Variants in MYH9 observed in about 807,000 individuals in gnomAD.
The protein encoded by MYH9 is myosin-9.
A neutral mutation model predicts 241.9 loss-of-function variants in MYH9; 29 were observed. That is an observed-to-expected ratio of 0.12 (90% CI 0.09 to 0.16). The LOEUF (loss-of-function observed/expected upper bound fraction) is 0.16, where lower values mean the gene tolerates loss of function less well. MYH9 is among the 10% of genes least tolerant of loss of function. The pLI is 1.00. For missense variants in MYH9, 1,803 were observed against 2,595.5 expected (o/e 0.69, Z 6.63); for synonymous variants, 1,047 against 1,062.6 (o/e 0.99, Z 0.29).
chr22:36,344,555 C>T (rs951055019), intron 2 of MYH9, among the ~76,000 whole-genome samples: 2 of 152,218 alleles, frequency 1.3e-5, no homozygotes, highest in Non-Finnish European at 1.5e-5. Flanking sequence ...ACTACAGAGG[C>T]CATCAATGGG....
In MYH9 at chr22:36,293,511, C is replaced by T. The variant is rs1287175682; in HGVS notation, c.3943-30G>A. ...TCGCGGGTTGAGAGGGGTGCGGGTG[C>T]TTAGGAGGGTGGTGTCCAAAACCCA... On this transcript the variant is annotated intron_variant, in intron 29 of 40. Transcript: ENST00000216181. This position sits in a 1 kb window ranked among gnomAD's most constrained non-coding sequence, Gnocchi z 5.1. 5 of 1,610,536 alleles carry T rather than the reference C, an allele frequency of 3.1e-6. No individual in the cohort carries two copies. In the South Asian group the frequency reaches 5.5e-5, roughly 18 times the overall value.
At chr22:36,301,165 G>A (rs1381929856) in intron 21 of MYH9, 108 bp from the exon 22 acceptor site, 1 of 1,100,298 alleles carries the variant, frequency 9.1e-7, no homozygotes, top group African/African-American at 1.5e-5. Context: ...GGAACATGCA[G>A]ACAAAAGTAG....
In MYH9 at chr22:36,305,916, G is replaced by A. The variant is rs781250514; in HGVS notation, c.2159+14C>T. The A allele has an allele frequency of 2.6e-5, 42 of 1,612,570 alleles. No individual in the cohort carries two copies. The highest frequency in any genetic ancestry group is 1.6e-4 in the Middle Eastern group (1 of 6,062). On this transcript the variant is annotated intron_variant, in intron 17 of 40. Transcript: ENST00000216181. This position sits in a 1 kb window ranked among gnomAD's most constrained non-coding sequence, Gnocchi z 4.7. ...GCAGGGCCCAGGAGAAGCGGGCTCC[G>A]GGCCCTGGCTCACCTCTGCCGAAAC...
intron 3 of MYH9, among the ~76,000 whole-genome samples, chr22:36,338,975 T>C (rs1458788811): frequency 6.6e-6 from 1 of 152,246 alleles, no homozygotes; most frequent in East Asian, 1.9e-4. Context: ...ATGAAGGCCA[T>C]TCGGTATGGC....
rs149559551 is a variant in MYH9, at chr22:36,295,497, G to A, written c.3485+8C>T. ...CCCCATCCCGAGGGACTTGGTCCCA[G>A]GGCACACCTGAGCTCCTGCTGGGCA... On this transcript the variant is annotated splice_region_variant and intron_variant, in intron 26 of 40. Transcript: ENST00000216181. The surrounding 1 kb of genome is among the most constrained non-coding windows in gnomAD (Gnocchi z 4.1). 3.5e-4 allele frequency: 563 copies of A among 1,611,642 alleles called. 1 individual carries two copies. In the African/African-American group the frequency reaches 6.4e-3, roughly 18 times the overall value.
intron 1 of MYH9, among the ~76,000 whole-genome samples, chr22:36,368,861 GAT>G (rs1243764808): frequency 1.5e-5 from 2 of 136,386 alleles, no homozygotes; most frequent in Non-Finnish European, 3.1e-5. Flanking sequence ...CCCCGTCCGC[GAT>G]AGAGCATCAC....
At chr22:36,347,471 G>A (rs5756160) in intron 2 of MYH9, among the ~76,000 whole-genome samples, 89,431 of 151,324 alleles carry the variant, frequency 0.59, 27,263 homozygotes, top group African/African-American at 0.66. Context: ...AGTGGCTCAC[G>A]CCTGTAATCC....
intron 5 of MYH9, 99 bp from the exon 6 acceptor site, chr22:36,322,620 T>C: frequency 1.7e-6 from 2 of 1,171,312 alleles, no homozygotes; most frequent in Admixed American, 1.8e-5. Context: ...CGTGTCAGCA[T>C]GTCCAACGTG....
chr22:36,316,347 T>G (rs1404805662), intron 12 of MYH9, among the ~76,000 whole-genome samples, 170 bp downstream of exon 12: 4 of 116,872 alleles, frequency 3.4e-5, no homozygotes, highest in Non-Finnish European at 8.3e-5. Flanking sequence ...ACCCTATCTT[T>G]TAAAAAAGAA....
Position 36,285,174 on chromosome 22 carries a change from G to T in MYH9, c.5430C>A (p.Thr1810=), listed in dbSNP as rs755623688. The T allele has an allele frequency of 6.2e-7, 1 of 1,614,134 alleles. No individual in the cohort carries two copies. ...GCTGTGCAATCTTGGCCTCGAGGGCGGTGATGGAGGCCTTGTACTTGGACT... is the reference window on the plus strand; with the variant it reads ...GCTGTGCAATCTTGGCCTCGAGGGCTGTGATGGAGGCCTTGTACTTGGACT... ...TVKSKYKASI[T]ALEAKIAQLE... Residue 1810 remains threonine, a synonymous_variant, in exon 38 of 41, where the codon ACC becomes ACA. Coordinates refer to ENST00000216181, the MANE Select transcript of MYH9 (RefSeq NM_002473.6). This position sits in a 1 kb window ranked among gnomAD's most constrained non-coding sequence, Gnocchi z 7.0.
intron 1 of MYH9, among the ~76,000 whole-genome samples, chr22:36,369,481 C>T (rs1212219301): frequency 2.0e-5 from 3 of 152,176 alleles, no homozygotes; most frequent in Admixed American, 6.5e-5. Flanking sequence ...TAGGAAGGTA[C>T]GAGGGGGCGG....
At position 36,320,257 on chromosome 22, in the gene MYH9, G is replaced by A. The variant is rs1356252565; in HGVS notation, c.975C>T (p.Ala325=). The change falls in exon 9 of 41, where the codon GCC becomes GCT. Residue 325 remains alanine (A), a synonymous_variant. Transcript: ENST00000216181. This position sits in a 1 kb window ranked among gnomAD's most constrained non-coding sequence, Gnocchi z 4.8. Reference sequence around the variant, plus strand: ...CTTCTGGGATGCCCATAATCCTCATGGCCTCCATGGTCTCCTGGAACATGT... The same window carrying A: ...CTTCTGGGATGCCCATAATCCTCATAGCCTCCATGGTCTCCTGGAACATGT... ...DKDMFQETME[A]MRIMGIPEEE... is the part of the protein sequence containing the mutation. 1.2e-6 allele frequency: 2 copies of A among 1,614,226 alleles called. No homozygotes were observed. The highest frequency in any genetic ancestry group is 2.2e-5 in the South Asian group (2 of 91,090).
rs2017404350 is a variant in MYH9, at chr22:36,330,458, T to C, written c.491-2970A>G. Among the ~76,000 whole-genome samples, 3 of 152,216 alleles carry C rather than the reference T, an allele frequency of 2.0e-5. No individual in the cohort carries two copies. The highest frequency in any genetic ancestry group is 7.2e-5 in the African/African-American group (3 of 41,454). ...TCCAATAACCTTACAAGGTATTGTA[T>C]TGTAATGTACAAAGCAGGTATTATC... On this transcript the variant is annotated intron_variant, in intron 3 of 40. Transcript: ENST00000216181. The surrounding 1 kb of genome is among the most constrained non-coding windows in gnomAD (Gnocchi z 4.5).
chr22:36,305,223 A>G lies in MYH9; in HGVS notation c.2160-121T>C. On this transcript the variant is annotated intron_variant, in intron 17 of 40. Coordinates refer to ENST00000216181, the MANE Select transcript of MYH9 (RefSeq NM_002473.6). This position sits in a 1 kb window ranked among gnomAD's most constrained non-coding sequence, Gnocchi z 4.7. Reference sequence around the variant, plus strand: ...AACAGACACAGAATTCTTTACACAAACTCTCCTAAGGAAAGAAGACACAGG... The same window carrying G: ...AACAGACACAGAATTCTTTACACAAGCTCTCCTAAGGAAAGAAGACACAGG... 1.1e-6 allele frequency: 1 copy of G among 894,982 alleles called. No individual in the cohort carries two copies. The highest frequency in any genetic ancestry group is 1.8e-6 in the Non-Finnish European group (1 of 550,782). 55.4% of individuals were successfully genotyped at this position (894,982 alleles called of 1,614,324 possible).
chr22:36,322,314 C>G, intron 6 of MYH9, 115 bp downstream of exon 6: 1 of 1,163,448 alleles, frequency 8.6e-7, no homozygotes, highest in Non-Finnish European at 1.3e-6. Flanking sequence ...CAGATAGCAC[C>G]GAGTCTGAAC....
At chr22:36,380,241 C>T (rs1030386653) in intron 1 of MYH9, among the ~76,000 whole-genome samples, 20 of 152,332 alleles carry the variant, frequency 1.3e-4, no homozygotes, top group African/African-American at 4.1e-4. Flanking sequence ...TCCCAGGGCC[C>T]ACACCATCCA....
Position 36,285,759 on chromosome 22 carries a change from G to T in MYH9, c.5173C>A (p.Arg1725=). 6.2e-7 allele frequency: 1 copy of T among 1,610,150 alleles called. No individual in the cohort carries two copies. The change falls in exon 37 of 41, where the codon CGG becomes AGG. Residue 1725 remains arginine, a synonymous_variant. Transcript: ENST00000216181. This position sits in a 1 kb window ranked among gnomAD's most constrained non-coding sequence, Gnocchi z 7.0. ...GKGALALEEK[R]RLEARIAQLE... ...TGGGCGATGCGGGCCTCCAGACGCC[G>T]CTTCTCCTCTAACGCCAGGGCTCTG... is the stretch of plus-strand genomic sequence containing the variant.
chr22:36,303,332 C>A (rs1569535288), intron 19 of MYH9, among the ~76,000 whole-genome samples: 1 of 151,942 alleles, frequency 6.6e-6, no homozygotes, highest in South Asian at 2.1e-4. Flanking sequence ...ATGGCCTGCT[C>A]CCCTGGAATC....
rs1203787176 is a variant in MYH9 at position 36,285,063 on chromosome 22, A to AG, written c.5483+57dup. 4 of 1,537,914 alleles carry AG rather than the reference A, an allele frequency of 2.6e-6. No homozygotes were observed. The highest frequency in any genetic ancestry group is 2.7e-5 in the African/African-American group (2 of 73,532). On this transcript the variant is annotated intron_variant, in intron 38 of 40. Coordinates refer to ENST00000216181, the MANE Select transcript of MYH9 (RefSeq NM_002473.6). This position sits in a 1 kb window ranked among gnomAD's most constrained non-coding sequence, Gnocchi z 7.0. ...GTGGCCCAGATTTGGGCAGGACTGC[A>AG]GGGGGGCCAGAGTTTTTTCCAGGAC...
Sources: allele counts gnomAD v4.1 joint callset (sites outside exome capture counted in the v4.1 genomes callset), GRCh38; gene constraint gnomAD v4.1.1; non-coding constraint Gnocchi (gnomAD v3.1); transcripts MANE v1.5; gene names NCBI Gene and HGNC (gene_info 2026-07-23, HGNC 2026-07-21).